Variants in PEX5 observed in about 807,000 individuals in gnomAD.
PEX5 encodes PTS1 receptor.
Under a neutral mutation model 82.9 loss-of-function variants are expected in PEX5, and 52 were observed. The ratio of observed to expected loss-of-function variants is 0.63; its 90% confidence interval spans 0.50 to 0.79. PEX5 has a LOEUF of 0.79. PEX5 is among the 30% of genes least tolerant of loss of function. The probability of loss-of-function intolerance (pLI) is 0.00; values close to 1 mark genes in which losing one functional copy is unlikely to be tolerated. For synonymous variants in PEX5, 300 were observed against 318.8 expected (o/e 0.94, Z 0.63); for missense variants, 719 against 815.2 (o/e 0.88, Z 1.44).
intron 7 of PEX5, 168 bp downstream of exon 7, chr12:7,202,009 T>A (rs551192548): frequency 2.3e-5 from 17 of 751,794 alleles, no homozygotes; most frequent in Non-Finnish European, 3.7e-5. Flanking sequence ...CTTCTAGTGT[T>A]CATTCCCTCA....
chr12:7,197,362 T>C (rs1360964710), intron 5 of PEX5, among the ~76,000 whole-genome samples: 2 of 76,416 alleles, frequency 2.6e-5, no homozygotes, highest in Non-Finnish European at 5.4e-5. Flanking sequence ...TACAATGTAA[T>C]AATTATATAT....
At chr12:7,189,917 T>C in intron 1 of PEX5, 167 bp downstream of exon 1, 1 of 1,435,164 alleles carries the variant, frequency 7.0e-7, no homozygotes, top group South Asian at 1.5e-5. Context: ...AGGGCTCCGG[T>C]GACTTAAGGG....
In PEX5 at chr12:7,197,888, C is replaced by T. The variant is rs142791846; in HGVS notation, c.449-1123C>T. Reference sequence around the variant, plus strand: ...AGTGGAGTTCCCCCTTGGGAACTGTCCTTGTCATGGGCCAGGAGTGGGGAA... The same window carrying T: ...AGTGGAGTTCCCCCTTGGGAACTGTTCTTGTCATGGGCCAGGAGTGGGGAA... On this transcript the variant is annotated intron_variant, in intron 5 of 15. Coordinates refer to ENST00000675855, the MANE Select transcript of PEX5 (RefSeq NM_001351132.2). 2.6e-5 allele frequency among the ~76,000 whole-genome samples: 4 copies of T among 152,220 alleles called. No individual in the cohort carries two copies. In the East Asian group the frequency reaches 7.7e-4, roughly 29 times the overall value.
intron 6 of PEX5, among the ~76,000 whole-genome samples, chr12:7,201,124 C>G (rs1591743123): frequency 6.8e-6 from 1 of 146,560 alleles, no homozygotes; most frequent in Non-Finnish European, 1.5e-5. Context: ...AAAGCGCATG[C>G]ATGTGTGCGT....
chr12:7,207,234 T>C (rs1037600269), intron 10 of PEX5, among the ~76,000 whole-genome samples: 1 of 152,230 alleles, frequency 6.6e-6, no homozygotes, highest in African/African-American at 2.4e-5. Flanking sequence ...CCAAACAACA[T>C]TTCCTTTATA....
At chr12:7,202,133 C>A in intron 7 of PEX5, 108 bp from the exon 8 acceptor site, 2 of 1,541,570 alleles carry the variant, frequency 1.3e-6, no homozygotes, top group Non-Finnish European at 1.8e-6. Flanking sequence ...TTGTCTGCAG[C>A]TAGAGATGGT....
intron 10 of PEX5, among the ~76,000 whole-genome samples, chr12:7,206,256 T>C (rs1245065944): frequency 6.6e-6 from 1 of 152,188 alleles, no homozygotes; most frequent in Non-Finnish European, 1.5e-5. Context: ...TTGGAGAAAA[T>C]CAAAAGAGTA....
Position 7,208,639 on chromosome 12 carries a change from G to C in PEX5, c.1364G>C (p.Ser455Thr). ...GCTGGTGGGGCAGGACTGGGCCCCA[G>C]CAAGCGTATCCTGGGATCTCTCTTG... ...EGAGGAGLGP[S>T]KRILGSLLSD... Residue 455 changes from serine to threonine, a missense_variant, in exon 13 of 16, where the codon AGC becomes ACC. Physicochemically the swap from Ser to Thr is moderately conservative, Grantham distance 58. Coordinates refer to ENST00000675855, the MANE Select transcript of PEX5 (RefSeq NM_001351132.2). 1 of 1,613,892 alleles carries C rather than the reference G, an allele frequency of 6.2e-7. No individual in the cohort carries two copies. The highest frequency in any genetic ancestry group is 8.5e-7 in the Non-Finnish European group (1 of 1,179,840).
rs759382818 is a variant in PEX5 at position 7,196,088 on chromosome 12, CTTATG to C, written c.449-2918_449-2914del. Among the ~76,000 whole-genome samples, 209 of 136,874 alleles carry C rather than the reference CTTATG, an allele frequency of 1.5e-3. 1 individual carries two copies. Among genetic ancestry groups the C allele is most frequent in the Non-Finnish European group, 2.0e-3 (130 of 63,632 alleles). The allele number at this position is 136,874 out of a possible 152,430, so 89.8% of individuals were successfully genotyped here. On this transcript the variant is annotated intron_variant, in intron 5 of 15. Coordinates refer to ENST00000675855, the MANE Select transcript of PEX5 (RefSeq NM_001351132.2). ...TATATAATGTATATATAATGTATTTCTTATGTTATAACGTATTTCTTATTACATTA... is the reference window on the plus strand; with the variant it reads ...TATATAATGTATATATAATGTATTTCTTATAACGTATTTCTTATTACATTA...
At chr12:7,199,210 T>TC in intron 6 of PEX5, 97 bp downstream of exon 6, 1 of 214,670 alleles carries the variant, frequency 4.7e-6, no homozygotes, top group South Asian at 2.8e-5. Flanking sequence ...TACTTTATTC[T>TC]TTTTTTTTTT....
intron 5 of PEX5, among the ~76,000 whole-genome samples, chr12:7,196,244 TC>T: frequency 6.5e-5 from 2 of 30,682 alleles, no homozygotes; most frequent in Non-Finnish European, 2.0e-4. Context: ...TAATTATATG[TC>T]ATATTTAATT....
chr12:7,209,769 C>T lies in PEX5; in HGVS notation c.1647C>T (p.Leu549=), dbSNP rs753512677. The T allele has an allele frequency of 4.2e-5, 67 of 1,614,052 alleles. No homozygotes were observed. In the African/African-American group the frequency reaches 4.3e-4, roughly 10 times the overall value. Residue 549 remains leucine, a synonymous_variant, in exon 15 of 16, where the codon CTC becomes CTT. Transcript: ENST00000675855. ...CAGTAGCTGCGTACCGCCGGGCCCT[C>T]GAGCTCCAGCCTGGCTATATCCGGT... ...EEAVAAYRRA[L]ELQPGYIRSR...
rs751080769 is a variant in PEX5 at position 7,201,198 on chromosome 12, CAT to C, written c.552-551_552-550del. ...ACATATGTACACACGCATACATACACATACATGTGCACATACATGTATATACA... is the reference window on the plus strand; with the variant it reads ...ACATATGTACACACGCATACATACACACATGTGCACATACATGTATATACA... On this transcript the variant is annotated intron_variant, in intron 6 of 15. Transcript: ENST00000675855. 9.0e-3 allele frequency among the ~76,000 whole-genome samples: 1,364 copies of C among 152,060 alleles called. 13 individuals carry two copies. Among genetic ancestry groups the C allele is most frequent in the African/African-American group, 0.02 (831 of 41,478 alleles).
chr12:7,200,329 G>A (rs1045550051), intron 6 of PEX5, among the ~76,000 whole-genome samples: 1 of 151,736 alleles, frequency 6.6e-6, no homozygotes, highest in Non-Finnish European at 1.5e-5. Flanking sequence ...TCCTCGATGG[G>A]ATGGCGGCTG....
chr12:7,209,880 C>A, intron 15 of PEX5, 40 bp downstream of exon 15: 2 of 1,612,994 alleles, frequency 1.2e-6, no homozygotes, highest in Non-Finnish European at 1.7e-6. Flanking sequence ...TGAGCTTTTT[C>A]TCCCTGCCTT....
At chr12:7,200,482 T>G (rs1321667707) in intron 6 of PEX5, among the ~76,000 whole-genome samples, 3 of 151,346 alleles carry the variant, frequency 2.0e-5, no homozygotes, top group African/African-American at 4.9e-5. Context: ...ACTTCCCAGA[T>G]GGGGTGGCGG....
chr12:7,199,289 G>A lies in PEX5; in HGVS notation c.551+176G>A, dbSNP rs866075718. Among the ~76,000 whole-genome samples the A allele has an allele frequency of 1.7e-4, 26 of 151,438 alleles. 1 individual carries two copies. Among genetic ancestry groups the A allele is most frequent in the Middle Eastern group, 3.4e-3 (1 of 294 alleles). On this transcript the variant is annotated intron_variant, in intron 6 of 15. Transcript: ENST00000675855. ...CAGGGTCATAGGACAATAGTGGAGGGAAGGTCAGCACATAAGCAAGTGAAC... is the reference window on the plus strand; with the variant it reads ...CAGGGTCATAGGACAATAGTGGAGGAAAGGTCAGCACATAAGCAAGTGAAC...
Position 7,197,539 on chromosome 12 carries a change from TTA to T in PEX5, c.449-1466_449-1465del, listed in dbSNP as rs200609395. 4.9e-3 allele frequency among the ~76,000 whole-genome samples: 571 copies of T among 117,206 alleles called. 39 individuals are homozygous for T. The highest frequency in any genetic ancestry group is 0.017 in the African/African-American group (536 of 31,670). 76.9% of individuals were successfully genotyped at this position (117,206 alleles called of 152,430 possible). On this transcript the variant is annotated intron_variant, in intron 5 of 15. Transcript: ENST00000675855. ...TAATTATATGTTATATATAATGTAATTATATATGTTATATATAATATAATAAG... is the reference window on the plus strand; with the variant it reads ...TAATTATATGTTATATATAATGTAATTATATGTTATATATAATATAATAAG...
Position 7,208,499 on chromosome 12 carries a change from G to A in PEX5, c.1224G>A (p.Ala408=), listed in dbSNP as rs781405242. ...LKPDNQTALM[A]LAVSFTNESL... is the part of the protein sequence containing the mutation. Reference sequence around the variant, plus strand: ...CAGATAACCAGACAGCACTGATGGCGCTGGCTGTGAGCTTCACCAACGAGT... The same window carrying A: ...CAGATAACCAGACAGCACTGATGGCACTGGCTGTGAGCTTCACCAACGAGT... The change falls in exon 13 of 16, where the codon GCG becomes GCA. Residue 408 remains alanine, a synonymous_variant. Coordinates refer to ENST00000675855, the MANE Select transcript of PEX5 (RefSeq NM_001351132.2). 5.0e-6 allele frequency: 8 copies of A among 1,614,000 alleles called. No individual in the cohort carries two copies. The highest frequency in any genetic ancestry group is 2.2e-5 in the East Asian group (1 of 44,894).
Sources: gnomAD v4.1 joint callset for allele counts (sites outside exome capture counted in the v4.1 genomes callset) on GRCh38, gnomAD v4.1.1 for gene constraint, MANE v1.5 for transcripts, NCBI Gene and HGNC (gene_info 2026-07-23, HGNC 2026-07-21) for gene names.